Variants in PID1 observed in about 807,000 individuals in gnomAD.
PID1 encodes phosphotyrosine interaction domain containing 1, also known as PTB-containing, cubilin and LRP1-interacting protein.
PID1 carries 10 observed loss-of-function variants against 19.1 expected under a neutral mutation model. The observed-to-expected ratio is 0.52, with a 90% CI of 0.32 to 0.89. The LOEUF (loss-of-function observed/expected upper bound fraction) is 0.89, where lower values mean the gene tolerates loss of function less well. Ranked by LOEUF, PID1 falls within the 40% of genes least tolerant of loss-of-function variation. The pLI is 0.03. For missense variants in PID1, 248 were observed against 285.3 expected (o/e 0.87, Z 0.94); for synonymous variants, 130 against 116.0 (o/e 1.12, Z -0.78).
intron 1 of PID1, among the ~76,000 whole-genome samples, chr2:229,199,745 T>TATATATAC (rs1491155550): frequency 6.5e-5 from 8 of 122,546 alleles, no homozygotes; most frequent in African/African-American, 2.3e-4. Flanking sequence ...TATATATATA[T>TATATATAC]ACACATACAC....
At chr2:229,093,653 G>A (rs1024732933) in intron 2 of PID1, among the ~76,000 whole-genome samples, 3 of 151,958 alleles carry the variant, frequency 2.0e-5, no homozygotes, top group Admixed American at 6.6e-5. Flanking sequence ...TATACAAGTC[G>A]ATAAATGTGA....
chr2:229,139,430 G>A (rs1394989032), intron 2 of PID1, among the ~76,000 whole-genome samples: 2 of 152,100 alleles, frequency 1.3e-5, no homozygotes, highest in East Asian at 3.8e-4. Flanking sequence ...CCCACCCACA[G>A]AATCTAAGAT....
intron 1 of PID1, among the ~76,000 whole-genome samples, chr2:229,238,483 C>T (rs538872220): frequency 3.0e-4 from 45 of 152,182 alleles, no homozygotes; most frequent in African/African-American, 1.1e-3. Flanking sequence ...GCTCTAGCAG[C>T]GCAATCGATT....
intron 2 of PID1, among the ~76,000 whole-genome samples, chr2:229,140,233 C>T (rs935306294): frequency 2.6e-5 from 4 of 152,120 alleles, no homozygotes; most frequent in East Asian, 1.9e-4. Flanking sequence ...AATACATAGG[C>T]CGACACTGGA....
intron 2 of PID1, among the ~76,000 whole-genome samples, chr2:229,106,172 A>G (rs1206737944): frequency 6.6e-6 from 1 of 152,184 alleles, no homozygotes; most frequent in African/African-American, 2.4e-5. Flanking sequence ...TAAGTCTGTA[A>G]TATCATTCAA....
intron 2 of PID1, among the ~76,000 whole-genome samples, chr2:229,132,596 G>C (rs1689766771): frequency 6.6e-6 from 1 of 152,092 alleles, no homozygotes; most frequent in South Asian, 2.1e-4. Context: ...TTTAGATTCA[G>C]GTTACAAATT....
chr2:229,035,455 C>T (rs553276774), intron 2 of PID1, among the ~76,000 whole-genome samples: 12 of 151,942 alleles, frequency 7.9e-5, no homozygotes, highest in Non-Finnish European at 1.8e-4. Context: ...TCTCCACCCC[C>T]CTCCTTCCCT....
intron 2 of PID1, among the ~76,000 whole-genome samples, chr2:229,111,134 C>T (rs1004369295): frequency 1.3e-5 from 2 of 152,152 alleles, no homozygotes; most frequent in African/African-American, 2.4e-5. Flanking sequence ...GATTATGAGG[C>T]CTCCCCAGCC....
chr2:229,140,636 T>C (rs879354375), intron 2 of PID1, among the ~76,000 whole-genome samples: 5 of 152,098 alleles, frequency 3.3e-5, no homozygotes, highest in Non-Finnish European at 7.4e-5. Flanking sequence ...ATCAAAGCTA[T>C]GTGAAATTCA....
At chr2:229,071,274 T>C (rs111531824) in intron 2 of PID1, among the ~76,000 whole-genome samples, 122 of 152,350 alleles carry the variant, frequency 8.0e-4, no homozygotes, top group African/African-American at 2.8e-3. Context: ...GTCCATGGTA[T>C]CACCTCATAC....
At chr2:229,079,168 C>G (rs1694622226) in intron 2 of PID1, among the ~76,000 whole-genome samples, 1 of 152,168 alleles carries the variant, frequency 6.6e-6, no homozygotes, top group Non-Finnish European at 1.5e-5. Context: ...ATTTACTCAT[C>G]AAAGACCAGG....
At chr2:229,126,540 C>A (rs1228714828) in intron 2 of PID1, among the ~76,000 whole-genome samples, 1 of 152,110 alleles carries the variant, frequency 6.6e-6, no homozygotes, top group Admixed American at 6.5e-5. Flanking sequence ...GGTTTAGGAA[C>A]CCGAAATCAC....
intron 2 of PID1, among the ~76,000 whole-genome samples, chr2:229,068,030 C>A (rs756856282): frequency 2.6e-5 from 4 of 152,224 alleles, no homozygotes; most frequent in Non-Finnish European, 5.9e-5. Flanking sequence ...CCTCTGTCTG[C>A]ACTCAGTACA....
chr2:229,050,367 C>T (rs571028663), intron 2 of PID1, among the ~76,000 whole-genome samples: 2 of 152,304 alleles, frequency 1.3e-5, no homozygotes, highest in South Asian at 4.1e-4. Flanking sequence ...TAGTGCTCTG[C>T]CCATCCTAAA....
chr2:229,121,612 GACTA>G (rs1695522570), intron 2 of PID1, among the ~76,000 whole-genome samples: 1 of 152,156 alleles, frequency 6.6e-6, no homozygotes, highest in African/African-American at 2.4e-5. Context: ...GCTGGGTAAT[GACTA>G]ACTACTATTG....
At chr2:229,246,474 T>C (rs1382840481) in intron 1 of PID1, among the ~76,000 whole-genome samples, 1 of 152,160 alleles carries the variant, frequency 6.6e-6, no homozygotes, top group Non-Finnish European at 1.5e-5. Flanking sequence ...CTTGGTTACA[T>C]ACCCGTCTAA....
chr2:229,061,363 C>T (rs1574595957), intron 2 of PID1, among the ~76,000 whole-genome samples: 3 of 151,846 alleles, frequency 2.0e-5, no homozygotes, highest in Admixed American at 6.6e-5. Context: ...GAAAAGATTG[C>T]CTTTCTCCAT....
intron 1 of PID1, among the ~76,000 whole-genome samples, chr2:229,248,668 T>G (rs893009346): frequency 1.3e-5 from 2 of 152,226 alleles, no homozygotes; most frequent in Non-Finnish European, 2.9e-5. Context: ...TAGGTAACAT[T>G]TTATTGTAAG....
intron 1 of PID1, among the ~76,000 whole-genome samples, chr2:229,205,890 T>C (rs1691598742): frequency 6.6e-6 from 1 of 152,168 alleles, no homozygotes; most frequent in Non-Finnish European, 1.5e-5. Context: ...GGACCATTAA[T>C]CCCAGCTATG....
Sources: gnomAD v4.1 joint callset for allele counts (sites outside exome capture counted in the v4.1 genomes callset) on GRCh38, gnomAD v4.1.1 for gene constraint, MANE v1.5 for transcripts, NCBI Gene and HGNC (gene_info 2026-07-23, HGNC 2026-07-21) for gene names.